RASGEF1A: variants seen among roughly 807,000 people sequenced by gnomAD.
RASGEF1A encodes the protein ras-GEF domain-containing family member 1A.
RASGEF1A carries 18 observed loss-of-function variants against 56.4 expected under a neutral mutation model. That is an observed-to-expected ratio of 0.32 (90% CI 0.22 to 0.47). The LOEUF is 0.47. RASGEF1A is among the 20% of genes least tolerant of loss of function. The pLI is 1.00. For missense variants in RASGEF1A, 422 were observed against 627.1 expected (o/e 0.67, Z 3.49); for synonymous variants, 245 against 242.6 (o/e 1.01, Z -0.09).
At chr10:43,203,188 C>G in intron 3 of RASGEF1A, 110 bp downstream of exon 3, 1 of 1,024,582 alleles carries the variant, frequency 9.8e-7, no homozygotes, top group Non-Finnish European at 1.4e-6. Flanking sequence ...CTAGCCCTGA[C>G]CCCATCCCCC....
At chr10:43,244,769 A>T (rs1182118838) in intron 1 of RASGEF1A, among the ~76,000 whole-genome samples, 1 of 152,212 alleles carries the variant, frequency 6.6e-6, no homozygotes, top group Non-Finnish European at 1.5e-5. Context: ...ATAAATGGAC[A>T]TGAAAACATA....
At chr10:43,233,566 G>A (rs986500573) in intron 1 of RASGEF1A, among the ~76,000 whole-genome samples, 3 of 152,172 alleles carry the variant, frequency 2.0e-5, no homozygotes, top group East Asian at 1.9e-4. Flanking sequence ...ACTAAACTGC[G>A]GTGTGGCACC....
At chr10:43,260,261 G>A (rs1002549813) in intron 1 of RASGEF1A, among the ~76,000 whole-genome samples, 6 of 151,902 alleles carry the variant, frequency 3.9e-5, no homozygotes, top group African/African-American at 7.3e-5. Context: ...CCTGGGCACC[G>A]GCAGGGTGGA....
intron 1 of RASGEF1A, among the ~76,000 whole-genome samples, chr10:43,210,315 CA>C (rs11340867): frequency 0.5 from 76,232 of 151,516 alleles, 19,763 homozygotes; most frequent in East Asian, 0.71. Flanking sequence ...TACTAACATT[CA>C]AAAAAAAATT....
At chr10:43,209,181 A>G in intron 1 of RASGEF1A, 2 of 985,476 alleles carry the variant, frequency 2.0e-6, no homozygotes, top group South Asian at 9.4e-5. Context: ...AATAGCCATC[A>G]TGATACACCG....
intron 1 of RASGEF1A, among the ~76,000 whole-genome samples, chr10:43,253,096 A>G (rs1840645594): frequency 6.6e-6 from 1 of 152,186 alleles, no homozygotes; most frequent in South Asian, 2.1e-4. Context: ...GAGGGCCCAC[A>G]GGCGGGGGTG....
At chr10:43,197,663 C>T (rs184162710) in intron 10 of RASGEF1A, among the ~76,000 whole-genome samples, 2 of 152,326 alleles carry the variant, frequency 1.3e-5, no homozygotes, top group Non-Finnish European at 2.9e-5. Flanking sequence ...GCTCAAGTCC[C>T]TTCCTATCTA....
Position 43,237,151 on chromosome 10 carries a change from C to T in RASGEF1A, c.-7+29694G>A, listed in dbSNP as rs537472510. Among the ~76,000 whole-genome samples the T allele has an allele frequency of 3.3e-5, 5 of 151,982 alleles. No homozygotes were observed. In the East Asian group the frequency reaches 9.7e-4, roughly 29 times the overall value. Reference sequence around the variant, plus strand: ...GCCTTGTTGGGGGTCTCATAACCAGCCTAGCCTTATAGAGGATCTCAGGGC... The same window carrying T: ...GCCTTGTTGGGGGTCTCATAACCAGTCTAGCCTTATAGAGGATCTCAGGGC... On this transcript the variant is annotated intron_variant, in intron 1 of 12. Transcript: ENST00000395810.
At chr10:43,216,412 G>A (rs555961728) in intron 1 of RASGEF1A, among the ~76,000 whole-genome samples, 9 of 152,348 alleles carry the variant, frequency 5.9e-5, no homozygotes, top group Non-Finnish European at 1.3e-4. Flanking sequence ...TCTTGTGGGG[G>A]TCCTCACCTT....
chr10:43,257,509 C>A (rs1291690348), intron 1 of RASGEF1A, among the ~76,000 whole-genome samples: 2 of 152,216 alleles, frequency 1.3e-5, no homozygotes, highest in Non-Finnish European at 2.9e-5. Context: ...CACCTCAGTC[C>A]CATCTGGCCT....
chr10:43,211,696 C>A (rs1293214543), intron 1 of RASGEF1A, among the ~76,000 whole-genome samples: 1 of 152,168 alleles, frequency 6.6e-6, no homozygotes, highest in East Asian at 1.9e-4. Context: ...AGAGGCCCCC[C>A]ACAGCTGCAC....
At chr10:43,228,879 G>A (rs1277415990) in intron 1 of RASGEF1A, among the ~76,000 whole-genome samples, 1 of 152,238 alleles carries the variant, frequency 6.6e-6, no homozygotes, top group Admixed American at 6.5e-5. Flanking sequence ...CTGAGTAAGT[G>A]AAAGAAGGAA....
intron 1 of RASGEF1A, chr10:43,229,599 G>C: frequency 6.8e-7 from 1 of 1,462,696 alleles, no homozygotes; most frequent in South Asian, 1.3e-5. Context: ...CAAGAACCCT[G>C]CCCCGCGGCC....
chr10:43,228,660 C>T (rs1004922793), intron 1 of RASGEF1A, among the ~76,000 whole-genome samples: 11 of 152,200 alleles, frequency 7.2e-5, no homozygotes, highest in African/African-American at 2.4e-4. Context: ...CTACCCTCAC[C>T]GATGAACTCC....
At position 43,196,728 on chromosome 10, in the gene RASGEF1A, G is replaced by A. The variant is rs371951317; in HGVS notation, c.1349-180C>T. Among the ~76,000 whole-genome samples the A allele has an allele frequency of 1.5e-4, 23 of 152,294 alleles. No homozygotes were observed. Among genetic ancestry groups the A allele is most frequent in the South Asian group, 1.4e-3 (7 of 4,828 alleles). ...GTTGGGGACTCTAGGAAGGTTCCTC[G>A]TGTTGCAGCACCTGACCTAAGCCCA... is the stretch of plus-strand genomic sequence containing the variant. On this transcript the variant is annotated intron_variant, in intron 11 of 12. Coordinates refer to ENST00000395810, the MANE Select transcript of RASGEF1A (RefSeq NM_145313.4). The surrounding 1 kb of genome is among the most constrained non-coding windows in gnomAD (Gnocchi z 4.6).
In RASGEF1A at chr10:43,199,684, C is replaced by T; in HGVS notation, c.841G>A (p.Val281Met). 6.2e-7 allele frequency: 1 copy of T among 1,613,408 alleles called. No homozygotes were observed. The highest frequency in any genetic ancestry group is 1.7e-5 in the Admixed American group (1 of 60,028). Residue 281 changes from valine (V) to methionine (M), a missense_variant, in exon 7 of 13, where the codon GTG (valine) becomes ATG (methionine). Val to Met is a conservative substitution (Grantham distance 21). Coordinates refer to ENST00000395810, the MANE Select transcript of RASGEF1A (RefSeq NM_145313.4). ...CTGCCATGGGCACTTACCCGGCACACCTCAGTGGCCACCAGCATGCTCAGG... is the reference window on the plus strand; with the variant it reads ...CTGCCATGGGCACTTACCCGGCACATCTCAGTGGCCACCAGCATGCTCAGG... ...NCLSMLVATEVCRVVKKKHRT... is the reference protein window; with the variant it reads ...NCLSMLVATEMCRVVKKKHRT...
rs868847378 is a variant in RASGEF1A at position 43,237,377 on chromosome 10, T to C, written c.-7+29468A>G. Among the ~76,000 whole-genome samples, 12 of 152,054 alleles carry C rather than the reference T, an allele frequency of 7.9e-5. No individual in the cohort carries two copies. In the South Asian group the frequency reaches 2.1e-3, roughly 26 times the overall value. Reference sequence around the variant, plus strand: ...CCTCCAATGGAGCCCCTGGCCATCATGGGCCCAGGCCCCGGAGCTGATCCC... The same window carrying C: ...CCTCCAATGGAGCCCCTGGCCATCACGGGCCCAGGCCCCGGAGCTGATCCC... On this transcript the variant is annotated intron_variant, in intron 1 of 12. Transcript: ENST00000395810.
chr10:43,226,014 C>T (rs60845448), intron 1 of RASGEF1A, among the ~76,000 whole-genome samples: 24,801 of 142,168 alleles, frequency 0.17, 2,625 homozygotes, highest in East Asian at 0.53. Flanking sequence ...CGGGTGTGGG[C>T]GGTGACAGGG....
At chr10:43,229,883 G>T in intron 1 of RASGEF1A, 1 of 532,714 alleles carries the variant, frequency 1.9e-6, no homozygotes, top group Non-Finnish European at 2.9e-6. Flanking sequence ...GCGGGGCGGG[G>T]CCGAGGCTAG....
Sources: allele counts gnomAD v4.1 joint callset (sites outside exome capture counted in the v4.1 genomes callset), GRCh38; gene constraint gnomAD v4.1.1; non-coding constraint Gnocchi (gnomAD v3.1); transcripts MANE v1.5; gene names NCBI Gene and HGNC (gene_info 2026-07-23, HGNC 2026-07-21).